Variants in CLIC5 observed in about 807,000 individuals in gnomAD.
The protein encoded by CLIC5 is CLIC family member 5.
A neutral mutation model predicts 24.7 loss-of-function variants in CLIC5; 20 were observed. The observed-to-expected ratio is 0.81, with a 90% confidence interval of 0.57 to 1.18. CLIC5 has a LOEUF of 1.18. Ranked by LOEUF, CLIC5 falls within the 50% of genes most tolerant of loss-of-function variation. CLIC5 has a pLI of 0.00. For missense variants in CLIC5, 341 were observed against 326.1 expected (o/e 1.05, Z -0.35); for synonymous variants, 159 against 135.6 (o/e 1.17, Z -1.20).
chr6:45,997,609 G>A (rs1183262812), intron 1 of CLIC5, among the ~76,000 whole-genome samples: 4 of 151,516 alleles, frequency 2.6e-5, no homozygotes, highest in Non-Finnish European at 4.4e-5. Flanking sequence ...AATGAAGTAG[G>A]ACGAATATCT....
intron 5 of CLIC5, among the ~76,000 whole-genome samples, chr6:45,909,293 T>C (rs887685923): frequency 6.6e-6 from 1 of 152,198 alleles, no homozygotes; most frequent in Non-Finnish European, 1.5e-5. Flanking sequence ...AGGTTAATAT[T>C]GATATGTGAG....
intron 1 of CLIC5, among the ~76,000 whole-genome samples, chr6:45,988,748 G>A (rs888120344): frequency 6.6e-6 from 1 of 152,238 alleles, no homozygotes; most frequent in Non-Finnish European, 1.5e-5. Flanking sequence ...GGCTGCTGCT[G>A]ACTTCTCAAG....
chr6:46,040,156 T>C (rs190356257), intron 1 of CLIC5, among the ~76,000 whole-genome samples: 3 of 152,320 alleles, frequency 2.0e-5, no homozygotes, highest in East Asian at 1.9e-4. Context: ...TTTCCGTTAA[T>C]GGTAGGCAGC....
chr6:45,918,075 A>G (rs1489228603), intron 4 of CLIC5, among the ~76,000 whole-genome samples: 1 of 152,184 alleles, frequency 6.6e-6, no homozygotes, highest in Non-Finnish European at 1.5e-5. Flanking sequence ...TCTGCTCCCC[A>G]TACAGATTTA....
At chr6:46,025,411 C>T (rs948637905) in intron 1 of CLIC5, among the ~76,000 whole-genome samples, 4 of 152,114 alleles carry the variant, frequency 2.6e-5, no homozygotes, top group Non-Finnish European at 5.9e-5. Context: ...CCTCATTTTG[C>T]AGATGAAGAA....
chr6:46,086,843 A>G, the CLIC5 span, among the ~76,000 whole-genome samples: 1 of 152,136 alleles, frequency 6.6e-6, no homozygotes, highest in South Asian at 2.1e-4. Flanking sequence ...ATAATGTCAG[A>G]TGGTTTGGCA....
chr6:45,895,299 T>C (rs548705931), downstream of CLIC5, among the ~76,000 whole-genome samples: 5 of 152,276 alleles, frequency 3.3e-5, no homozygotes, highest in Admixed American at 2.6e-4. Context: ...ACACCTAATC[T>C]AGGCACAAGT....
intron 3 of CLIC5, among the ~76,000 whole-genome samples, chr6:45,946,741 T>A (rs1764301887): frequency 6.6e-6 from 1 of 152,140 alleles, no homozygotes; most frequent in African/African-American, 2.4e-5. Flanking sequence ...TTGGTGACAT[T>A]TACTGGGAGG....
At chr6:46,016,602 G>T (rs1047396082), upstream of CLIC5, among the ~76,000 whole-genome samples, 3 of 152,040 alleles carry the variant, frequency 2.0e-5, no homozygotes, top group African/African-American at 7.2e-5. Context: ...TTGTTTTAGT[G>T]AAGTAGGATG....
intron 6 of CLIC5, among the ~76,000 whole-genome samples, chr6:45,885,385 T>A (rs1013316712): frequency 4.6e-5 from 7 of 152,228 alleles, no homozygotes; most frequent in Admixed American, 6.5e-5. Context: ...TTCTATTGTT[T>A]ATAAGCTGCC....
chr6:46,003,789 T>C (rs1766443123), intron 1 of CLIC5, among the ~76,000 whole-genome samples: 1 of 152,144 alleles, frequency 6.6e-6, no homozygotes, highest in Non-Finnish European at 1.5e-5. Flanking sequence ...GATTCACACA[T>C]TTGGGCTGGA....
chr6:45,881,043 T>C (rs1762258887), exon 7 of CLIC5: 1 of 398,056 alleles, frequency 2.5e-6, no homozygotes, highest in African/African-American at 2.1e-5. Context: ...TTTTTCTGCC[T>C]CAAAGCCAGT....
intron 1 of CLIC5, among the ~76,000 whole-genome samples, chr6:45,998,376 A>T (rs1766228260): frequency 6.6e-6 from 1 of 152,182 alleles, no homozygotes; most frequent in African/African-American, 2.4e-5. Flanking sequence ...AGCAGTAAAT[A>T]TCAAGGGAAT....
intron 1 of CLIC5, among the ~76,000 whole-genome samples, chr6:45,990,777 G>A (rs543285689): frequency 5.3e-4 from 81 of 152,298 alleles, no homozygotes; most frequent in African/African-American, 1.9e-3. Flanking sequence ...GATAACCTTG[G>A]AGTATTTCAG....
chr6:46,077,615 G>A (rs1357181866), intron 1 of CLIC5, among the ~76,000 whole-genome samples: 2 of 152,058 alleles, frequency 1.3e-5, no homozygotes, highest in Non-Finnish European at 2.9e-5. Flanking sequence ...AGGGCCGAGT[G>A]TGGAGCTAGG....
chr6:45,941,257 G>A (rs1581770509), intron 4 of CLIC5, among the ~76,000 whole-genome samples: 1 of 152,210 alleles, frequency 6.6e-6, no homozygotes, highest in African/African-American at 2.4e-5. Context: ...AGTGCACTAT[G>A]CTGTGCAATA....
intron 4 of CLIC5, chr6:45,920,509 A>G (rs3777552): frequency 0.28 from 81,005 of 291,558 alleles, 11,931 homozygotes; most frequent in East Asian, 0.47. Context: ...AGACCATGGC[A>G]GACGGAGATG....
chr6:46,047,764 T>A (rs1767991652), intron 1 of CLIC5, among the ~76,000 whole-genome samples: 1 of 152,232 alleles, frequency 6.6e-6, no homozygotes, highest in South Asian at 2.1e-4. Context: ...TTGTGTTACC[T>A]GTCTTCTCTC....
chr6:45,929,913 G>A (rs1763661029), intron 4 of CLIC5, among the ~76,000 whole-genome samples: 1 of 152,196 alleles, frequency 6.6e-6, no homozygotes, highest in African/African-American at 2.4e-5. Context: ...AGAGCACAAG[G>A]CAGAATGAGA....
Sources: gnomAD v4.1 joint callset for allele counts (sites outside exome capture counted in the v4.1 genomes callset) on GRCh38, gnomAD v4.1.1 for gene constraint, MANE v1.5 for transcripts, NCBI Gene and HGNC (gene_info 2026-07-23, HGNC 2026-07-21) for gene names.